NR3C2: variants seen among roughly 807,000 people sequenced by gnomAD.
NR3C2 encodes mineralocorticoid receptor.
A neutral mutation model predicts 86.4 loss-of-function variants in NR3C2; 15 were observed. The observed-to-expected ratio is 0.17, with a 90% CI of 0.12 to 0.27. The LOEUF is 0.27. Ranked by LOEUF, NR3C2 falls within the 10% of genes least tolerant of loss-of-function variation. The pLI is 1.00. For missense variants in NR3C2, 960 were observed against 1,195.6 expected (o/e 0.80, Z 2.91); for synonymous variants, 458 against 450.5 (o/e 1.02, Z -0.21).
chr4:148,159,356 C>T (rs564573082), intron 4 of NR3C2, among the ~76,000 whole-genome samples: 1 of 152,252 alleles, frequency 6.6e-6, no homozygotes, highest in Admixed American at 6.5e-5. Context: ...AATTATTATT[C>T]CTTTTCAAAA....
intron 2 of NR3C2, among the ~76,000 whole-genome samples, chr4:148,383,688 C>T (rs956033876): frequency 9.2e-5 from 14 of 152,126 alleles, no homozygotes; most frequent in African/African-American, 3.4e-4. Flanking sequence ...CGCAGTGGCT[C>T]ACACCTGTAA....
intron 4 of NR3C2, among the ~76,000 whole-genome samples, chr4:148,174,090 T>G (rs1735259304): frequency 6.6e-6 from 1 of 152,156 alleles, no homozygotes; most frequent in Admixed American, 6.5e-5. Context: ...TAATGGAAGC[T>G]TCAGATTTTG....
At chr4:148,309,529 C>G (rs565552875) in intron 2 of NR3C2, among the ~76,000 whole-genome samples, 1 of 151,856 alleles carries the variant, frequency 6.6e-6, no homozygotes, top group Admixed American at 6.6e-5. Context: ...AAGAGACACA[C>G]ATGCACATGG....
intron 2 of NR3C2, among the ~76,000 whole-genome samples, chr4:148,415,349 A>T (rs767646172): frequency 2.0e-5 from 3 of 152,218 alleles, no homozygotes; most frequent in Non-Finnish European, 4.4e-5. Flanking sequence ...ATTTTTATGT[A>T]GTATTTTTAT....
At chr4:148,385,278 G>A (rs974495290) in intron 2 of NR3C2, among the ~76,000 whole-genome samples, 2 of 152,196 alleles carry the variant, frequency 1.3e-5, no homozygotes, top group African/African-American at 4.8e-5. Context: ...AAAATGCTTA[G>A]TGATCTCATT....
chr4:148,157,279 C>G (rs935272793), intron 4 of NR3C2, among the ~76,000 whole-genome samples: 9 of 151,868 alleles, frequency 5.9e-5, no homozygotes, highest in African/African-American at 1.9e-4. Flanking sequence ...ACATTGTGCA[C>G]ATGTACCCTA....
chr4:148,429,637 A>T (rs1377790095), intron 2 of NR3C2, among the ~76,000 whole-genome samples: 1 of 152,238 alleles, frequency 6.6e-6, no homozygotes, highest in Non-Finnish European at 1.5e-5. Flanking sequence ...TTACTATATA[A>T]GGAACAAAAT....
chr4:148,097,072 G>C (rs1331769307), intron 8 of NR3C2, among the ~76,000 whole-genome samples: 1 of 152,156 alleles, frequency 6.6e-6, no homozygotes, highest in Non-Finnish European at 1.5e-5. Context: ...TGATATGGTG[G>C]TACTTAGATC....
chr4:148,421,493 A>G (rs781224956), intron 2 of NR3C2, among the ~76,000 whole-genome samples: 1 of 152,214 alleles, frequency 6.6e-6, no homozygotes, highest in Non-Finnish European at 1.5e-5. Flanking sequence ...TGAAATATCA[A>G]AAGTATCACA....
At chr4:148,245,192 T>TCCA (rs1739258899) in intron 3 of NR3C2, among the ~76,000 whole-genome samples, 1 of 152,202 alleles carries the variant, frequency 6.6e-6, no homozygotes, top group Non-Finnish European at 1.5e-5. Context: ...AAGAGCACTG[T>TCCA]GAACAGCGAT....
At chr4:148,357,835 A>G in intron 2 of NR3C2, among the ~76,000 whole-genome samples, 1 of 152,312 alleles carries the variant, frequency 6.6e-6, no homozygotes, top group Non-Finnish European at 1.5e-5. Context: ...AGCAAGGCAA[A>G]GGTTTGATGA....
chr4:148,087,937 C>T lies in NR3C2; in HGVS notation c.2800-6438G>A, dbSNP rs551933936. Among the ~76,000 whole-genome samples the T allele has an allele frequency of 2.7e-4, 41 of 152,276 alleles. No homozygotes were observed. The Middle Eastern group carries it at 0.027, about 101-fold the overall frequency. Reference sequence around the variant, plus strand: ...ATCATCAGAGTGAACAGGCAACCTACAGAATGGGAGAAAATTTTTGCAATC... The same window carrying T: ...ATCATCAGAGTGAACAGGCAACCTATAGAATGGGAGAAAATTTTTGCAATC... On this transcript the variant is annotated intron_variant, in intron 8 of 8. Transcript: ENST00000358102.
intron 6 of NR3C2, among the ~76,000 whole-genome samples, chr4:148,150,245 G>C (rs1486554423): frequency 1.3e-5 from 2 of 152,196 alleles, no homozygotes; most frequent in Non-Finnish European, 2.9e-5. Flanking sequence ...CCTCCTAGGG[G>C]AAGTTTGGGG....
At chr4:148,191,054 CT>C (rs531128982) in intron 4 of NR3C2, among the ~76,000 whole-genome samples, 73 of 145,838 alleles carry the variant, frequency 5.0e-4, no homozygotes, top group Admixed American at 5.5e-4. Flanking sequence ...TGATTTTTAA[CT>C]TTTTTTTTTT....
In NR3C2 at chr4:148,110,527, A is replaced by G. The variant is rs140489740; in HGVS notation, c.2799+3577T>C. ...AAAATTCCACAACTGTTGATTCACTAATTTACTCTAATGAAAAAGCTGTAG... is the reference window on the plus strand; with the variant it reads ...AAAATTCCACAACTGTTGATTCACTGATTTACTCTAATGAAAAAGCTGTAG... On this transcript the variant is annotated intron_variant, in intron 8 of 8. Transcript: ENST00000358102. 3.3e-3 allele frequency among the ~76,000 whole-genome samples: 497 copies of G among 152,304 alleles called. 1 individual carries two copies. Among genetic ancestry groups the G allele is most frequent in the South Asian group, 0.032 (153 of 4,826 alleles).
At chr4:148,402,644 C>T (rs181698926) in intron 2 of NR3C2, among the ~76,000 whole-genome samples, 54 of 152,238 alleles carry the variant, frequency 3.5e-4, no homozygotes, top group African/African-American at 1.3e-3. Flanking sequence ...CTATATAAGT[C>T]CTTGAGGTAA....
chr4:148,411,359 A>C (rs181085675), intron 2 of NR3C2, among the ~76,000 whole-genome samples: 2 of 152,342 alleles, frequency 1.3e-5, no homozygotes, highest in African/African-American at 2.4e-5. Flanking sequence ...AAAAGATGTT[A>C]ACATTTAATG....
chr4:148,116,758 C>T (rs999870000), intron 7 of NR3C2, among the ~76,000 whole-genome samples: 8 of 151,884 alleles, frequency 5.3e-5, no homozygotes, highest in Admixed American at 1.3e-4. Context: ...TACTTGGGGG[C>T]TAATAAATTA....
intron 2 of NR3C2, among the ~76,000 whole-genome samples, chr4:148,387,475 T>A (rs1349070661): frequency 6.6e-6 from 1 of 152,236 alleles, no homozygotes; most frequent in Admixed American, 6.5e-5. Flanking sequence ...ATATATCACA[T>A]GTTAATGGAT....
Sources: allele counts gnomAD v4.1 joint callset (sites outside exome capture counted in the v4.1 genomes callset), GRCh38; gene constraint gnomAD v4.1.1; transcripts MANE v1.5; gene names NCBI Gene and HGNC (gene_info 2026-07-23, HGNC 2026-07-21).